SULF2: variants seen among roughly 807,000 people sequenced by gnomAD.
SULF2 encodes the protein extracellular sulfatase Sulf-2.
Under a neutral mutation model 107.7 loss-of-function variants are expected in SULF2, and 52 were observed. The ratio of observed to expected loss-of-function variants is 0.48; its 90% CI spans 0.39 to 0.61. The LOEUF (loss-of-function observed/expected upper bound fraction) is 0.61. SULF2 is among the 20% of genes least tolerant of loss of function. The probability of loss-of-function intolerance (pLI) is 0.00; values close to 1 mark genes in which losing one functional copy is unlikely to be tolerated. For missense variants in SULF2, 993 were observed against 1,177.3 expected, an observed-to-expected ratio of 0.84 and a Z score of 2.29; for synonymous variants, 460 against 464.3, an observed-to-expected ratio of 0.99 and a Z score of 0.12.
At chr20:47,673,654 G>A (rs1381287116) in intron 10 of SULF2, among the ~76,000 whole-genome samples, 7 of 152,306 alleles carry the variant, frequency 4.6e-5, no homozygotes, top group South Asian at 2.1e-4. Context: ...CCCCTTCAAT[G>A]CATGCAGGCC....
chr20:47,737,000 CA>C, intron 2 of SULF2, 58 bp from the exon 3 acceptor site: 1 of 1,605,992 alleles, frequency 6.2e-7, no homozygotes, highest in Non-Finnish European at 8.5e-7. Flanking sequence ...GCACCGGCAC[CA>C]GGGGGCTCTC....
chr20:47,750,694 C>T (rs1244039500), intron 2 of SULF2, among the ~76,000 whole-genome samples: 2 of 152,222 alleles, frequency 1.3e-5, no homozygotes, highest in Non-Finnish European at 2.9e-5. Context: ...AAATCTTCCT[C>T]CCATTCAAAG....
intron 2 of SULF2, among the ~76,000 whole-genome samples, chr20:47,745,458 C>CAT (rs1303601942): frequency 2.7e-4 from 11 of 40,596 alleles, no homozygotes; most frequent in Admixed American, 6.6e-4. Flanking sequence ...TATATATATA[C>CAT]ACATACACAC....
chr20:47,683,540 G>A (rs1190890022), intron 6 of SULF2, among the ~76,000 whole-genome samples: 1 of 152,252 alleles, frequency 6.6e-6, no homozygotes, highest in Non-Finnish European at 1.5e-5. Context: ...ATGAATGAAT[G>A]AGTGAAACTT....
chr20:47,765,198 C>CA (rs1481256781), intron 1 of SULF2, among the ~76,000 whole-genome samples: 3 of 151,594 alleles, frequency 2.0e-5, no homozygotes, highest in South Asian at 2.1e-4. Flanking sequence ...AAAAAAAATA[C>CA]AAAAAAATTA....
At position 47,666,274 on chromosome 20, in the gene SULF2, A is replaced by AATG; in HGVS notation, c.1788_1790dup (p.Ile597dup). The AATG allele has an allele frequency of 6.2e-7, 1 of 1,613,694 alleles. No homozygotes were observed. Among genetic ancestry groups the AATG allele is most frequent in the Non-Finnish European group, 8.5e-7 (1 of 1,179,876 alleles). On this transcript the variant is annotated inframe_insertion, in exon 12 of 21. Coordinates refer to ENST00000688720, the MANE Select transcript of SULF2 (RefSeq NM_001387048.1). This position sits in a 1 kb window ranked among gnomAD's most constrained non-coding sequence, Gnocchi z 5.4. Reference sequence around the variant, plus strand: ...TGGACACTCACCGATGTGTCACTTTAATGGGGTTGGCGGCTGAGTAGTCGG... The same window carrying AATG: ...TGGACACTCACCGATGTGTCACTTTAATGATGGGGTTGGCGGCTGAGTAGTCGG...
chr20:47,730,243 CT>C (rs1449167422), intron 3 of SULF2, among the ~76,000 whole-genome samples: 2 of 152,190 alleles, frequency 1.3e-5, no homozygotes, highest in Non-Finnish European at 2.9e-5. Context: ...CCCTGCTCCC[CT>C]GACGCATTTT....
chr20:47,736,401 T>C (rs1307881431), intron 3 of SULF2, among the ~76,000 whole-genome samples: 1 of 152,230 alleles, frequency 6.6e-6, no homozygotes, highest in Non-Finnish European at 1.5e-5. Context: ...TAACAGAGGA[T>C]GCAAACTCAT....
At chr20:47,741,446 C>T (rs2089879722) in intron 2 of SULF2, among the ~76,000 whole-genome samples, 1 of 152,128 alleles carries the variant, frequency 6.6e-6, no homozygotes, top group Non-Finnish European at 1.5e-5. Flanking sequence ...TGGAGTCTTC[C>T]CTGGCCCCCA....
At chr20:47,675,129 G>T (rs1174656067) in intron 10 of SULF2, among the ~76,000 whole-genome samples, 3 of 152,200 alleles carry the variant, frequency 2.0e-5, no homozygotes, top group African/African-American at 7.2e-5. Flanking sequence ...ACATCAGAAA[G>T]AACCAGTGGG....
At chr20:47,773,558 A>G (rs1324151690) in intron 1 of SULF2, among the ~76,000 whole-genome samples, 2 of 152,242 alleles carry the variant, frequency 1.3e-5, no homozygotes, top group African/African-American at 4.8e-5. Context: ...TGGGCAGGCC[A>G]CACCCGCTGT....
chr20:47,743,777 G>GCT (rs760354854), intron 2 of SULF2, among the ~76,000 whole-genome samples: 2 of 152,172 alleles, frequency 1.3e-5, no homozygotes, highest in East Asian at 3.9e-4. Context: ...CCTACTGTGC[G>GCT]CTCTCTCTCT....
At chr20:47,740,685 G>T (rs139182546) in intron 2 of SULF2, among the ~76,000 whole-genome samples, 2,598 of 152,252 alleles carry the variant, frequency 0.017, 37 homozygotes, top group Admixed American at 0.021. Context: ...TTTTTAAAAA[G>T]TAAATAATCG....
At chr20:47,662,441 C>G (rs998972267) in intron 17 of SULF2, among the ~76,000 whole-genome samples, 3 of 152,200 alleles carry the variant, frequency 2.0e-5, no homozygotes, top group Non-Finnish European at 2.9e-5. Flanking sequence ...ATTTAAACAT[C>G]AGATTTCATT....
chr20:47,694,885 A>T lies in SULF2; in HGVS notation c.568-4590T>A, dbSNP rs1003654499. ...CTTAGCTCAGCTGATCGTCACAGCA[A>T]CTTTGACAAGTGGACATTATACCCA... On this transcript the variant is annotated intron_variant, in intron 4 of 20. Transcript: ENST00000688720. The surrounding 1 kb of genome is among the most constrained non-coding windows in gnomAD (Gnocchi z 4.4). Among the ~76,000 whole-genome samples the T allele has an allele frequency of 3.9e-5, 6 of 152,236 alleles. No individual in the cohort carries two copies. Among genetic ancestry groups the T allele is most frequent in the African/African-American group, 1.4e-4 (6 of 41,470 alleles).
chr20:47,755,358 T>C (rs2090256351), intron 2 of SULF2, among the ~76,000 whole-genome samples: 1 of 152,216 alleles, frequency 6.6e-6, no homozygotes, highest in South Asian at 2.1e-4. Context: ...TGCTTTCTTT[T>C]TATCTGCATA....
chr20:47,709,105 C>T (rs58026568), intron 3 of SULF2, among the ~76,000 whole-genome samples: 5,045 of 152,184 alleles, frequency 0.033, 270 homozygotes, highest in African/African-American at 0.11. Context: ...GCATGGGCCC[C>T]GGGGCTCCTG....
At chr20:47,781,938 A>G (rs1224987613) in intron 1 of SULF2, among the ~76,000 whole-genome samples, 2 of 152,164 alleles carry the variant, frequency 1.3e-5, no homozygotes, top group Non-Finnish European at 1.5e-5. Flanking sequence ...CTCATTACAA[A>G]ATCTGAGCTG....
At chr20:47,720,294 C>T (rs1380974446) in intron 3 of SULF2, among the ~76,000 whole-genome samples, 1 of 151,958 alleles carries the variant, frequency 6.6e-6, no homozygotes, top group Non-Finnish European at 1.5e-5. Context: ...TCTCACTTTG[C>T]CACCCAGGCT....
Sources: allele counts gnomAD v4.1 joint callset (sites outside exome capture counted in the v4.1 genomes callset), GRCh38; gene constraint gnomAD v4.1.1; non-coding constraint Gnocchi (gnomAD v3.1); transcripts MANE v1.5; gene names NCBI Gene and HGNC (gene_info 2026-07-23, HGNC 2026-07-21).